Variants in CAMK1D observed in about 807,000 individuals in gnomAD.
The protein encoded by CAMK1D is calcium/calmodulin-dependent protein kinase type 1D.
In CAMK1D, 9 loss-of-function variants were observed where a neutral mutation model predicts 47.7. The observed-to-expected ratio is 0.19, with a 90% confidence interval of 0.11 to 0.33. CAMK1D has a LOEUF of 0.33. CAMK1D is among the 10% of genes least tolerant of loss of function. CAMK1D has a pLI of 1.00. For missense variants in CAMK1D, 291 were observed against 488.7 expected (o/e 0.60, Z 3.81); for synonymous variants, 184 against 184.9 (o/e 0.99, Z 0.04).
At chr10:12,370,231 T>C (rs576471247) in intron 1 of CAMK1D, among the ~76,000 whole-genome samples, 206 of 152,226 alleles carry the variant, frequency 1.4e-3, no homozygotes, top group Non-Finnish European at 2.4e-3. Flanking sequence ...ACTCACATGT[T>C]TGTGGCGATG....
At chr10:12,578,953 A>G (rs796943489) in intron 2 of CAMK1D, 9 of 152,908 alleles carry the variant, frequency 5.9e-5, no homozygotes, top group African/African-American at 2.2e-4. Context: ...GTGCTGGGGA[A>G]TGTGCAGTCT....
chr10:12,686,420 C>G (rs1564491911), intron 3 of CAMK1D, among the ~76,000 whole-genome samples: 1 of 152,098 alleles, frequency 6.6e-6, no homozygotes, highest in Non-Finnish European at 1.5e-5. Context: ...CTCCCAAGTT[C>G]AAGCGATTCT....
chr10:12,396,306 C>A (rs1043553231), intron 1 of CAMK1D, among the ~76,000 whole-genome samples: 1 of 152,134 alleles, frequency 6.6e-6, no homozygotes, highest in African/African-American at 2.4e-5. Flanking sequence ...CTATTGTGTC[C>A]GCATCATTGT....
At chr10:12,461,544 C>T (rs1429125088) in intron 1 of CAMK1D, among the ~76,000 whole-genome samples, 4 of 151,956 alleles carry the variant, frequency 2.6e-5, no homozygotes. Context: ...CAAAAATTAG[C>T]TGGGTGTGGT....
chr10:12,707,285 A>G (rs1431921586), intron 3 of CAMK1D, among the ~76,000 whole-genome samples: 1 of 152,216 alleles, frequency 6.6e-6, no homozygotes, highest in Non-Finnish European at 1.5e-5. Context: ...TAAGCTTGGC[A>G]TATCAGAAGT....
At chr10:12,547,747 G>A (rs1445775178) in intron 1 of CAMK1D, among the ~76,000 whole-genome samples, 2 of 146,022 alleles carry the variant, frequency 1.4e-5, no homozygotes, top group South Asian at 2.1e-4. Flanking sequence ...CTGTTCATTC[G>A]TGAGCTTTGT....
intron 8 of CAMK1D, among the ~76,000 whole-genome samples, chr10:12,817,404 G>A (rs554972064): frequency 7.8e-4 from 118 of 152,140 alleles, no homozygotes; most frequent in Non-Finnish European, 1.3e-3. Flanking sequence ...TCTTCAACTC[G>A]AGAGGGACTA....
chr10:12,744,059 T>A (rs993395307), intron 3 of CAMK1D, among the ~76,000 whole-genome samples: 1 of 152,110 alleles, frequency 6.6e-6, no homozygotes, highest in African/African-American at 2.4e-5. Flanking sequence ...TCTGGACATT[T>A]CATATAAATG....
intron 1 of CAMK1D, among the ~76,000 whole-genome samples, chr10:12,433,873 C>T (rs573320996): frequency 3.9e-5 from 6 of 152,314 alleles, no homozygotes; most frequent in African/African-American, 1.4e-4. Context: ...GACTTCCTGT[C>T]GTTGGGTGGG....
At chr10:12,465,844 G>C (rs1246068830) in intron 1 of CAMK1D, among the ~76,000 whole-genome samples, 1 of 152,162 alleles carries the variant, frequency 6.6e-6, no homozygotes, top group East Asian at 1.9e-4. Flanking sequence ...GAGCTGGACT[G>C]CTACTTCACC....
In CAMK1D at chr10:12,674,599, C is replaced by CTTTTTTTTTTTTTTTTTTTT. The variant is rs11391139; in HGVS notation, c.299+7807_299+7808insTTTTTTTTTTTTTTTTTTTT. ...TTTTATTTGGGTTTTTGGAAAAATG[C>CTTTTTTTTTTTTTTTTTTTT]TTTTTTTTTTTTTTTTTTCAGAATT... On this transcript the variant is annotated intron_variant, in intron 3 of 10. Transcript: ENST00000619168. Among the ~76,000 whole-genome samples, 9 of 63,472 alleles carry CTTTTTTTTTTTTTTTTTTTT rather than the reference C, an allele frequency of 1.4e-4. 1 individual carries two copies. Among genetic ancestry groups the CTTTTTTTTTTTTTTTTTTTT allele is most frequent in the African/African-American group, 1.3e-4 (2 of 15,204 alleles). 41.6% of individuals were successfully genotyped at this position (63,472 alleles called of 152,430 possible).
At chr10:12,638,355 C>T (rs1018295196) in intron 2 of CAMK1D, among the ~76,000 whole-genome samples, 1 of 152,190 alleles carries the variant, frequency 6.6e-6, no homozygotes, top group Admixed American at 6.5e-5. Flanking sequence ...CCACATCTAC[C>T]CAGCCTCCGC....
chr10:12,733,447 C>T (rs1834985993), intron 3 of CAMK1D, among the ~76,000 whole-genome samples: 1 of 152,216 alleles, frequency 6.6e-6, no homozygotes, highest in South Asian at 2.1e-4. Context: ...TCATTAAAAG[C>T]ACAGCAGGAA....
intron 1 of CAMK1D, among the ~76,000 whole-genome samples, chr10:12,442,362 T>A (rs2132015049): frequency 6.6e-6 from 1 of 152,176 alleles, no homozygotes; most frequent in Non-Finnish European, 1.5e-5. Context: ...GTGCCTGTAG[T>A]CCCACCTACT....
intron 1 of CAMK1D, among the ~76,000 whole-genome samples, chr10:12,372,252 G>T (rs912517139): frequency 9.2e-5 from 14 of 152,172 alleles, no homozygotes; most frequent in Non-Finnish European, 1.9e-4. Flanking sequence ...ATGCATGGCT[G>T]TATTTCACGT....
intron 1 of CAMK1D, among the ~76,000 whole-genome samples, chr10:12,359,097 G>A (rs2801498): frequency 0.65 from 99,463 of 152,018 alleles, 33,611 homozygotes; most frequent in Non-Finnish European, 0.74. Flanking sequence ...GAGGTTACAC[G>A]GATATGGGTG....
chr10:12,796,047 T>C (rs974527417), intron 6 of CAMK1D, among the ~76,000 whole-genome samples: 1 of 152,254 alleles, frequency 6.6e-6, no homozygotes, highest in Non-Finnish European at 1.5e-5. Flanking sequence ...TCAATCTTGA[T>C]TCTGTGATAA....
At chr10:12,800,185 A>G (rs1340741182) in intron 6 of CAMK1D, among the ~76,000 whole-genome samples, 2 of 152,208 alleles carry the variant, frequency 1.3e-5, no homozygotes, top group Admixed American at 6.5e-5. Flanking sequence ...ACAATCAAAT[A>G]TACGGTTACT....
intron 2 of CAMK1D, among the ~76,000 whole-genome samples, chr10:12,575,238 T>C (rs1338537547): frequency 2.0e-5 from 3 of 151,828 alleles, no homozygotes; most frequent in Non-Finnish European, 4.4e-5. Context: ...GATTACAGGG[T>C]CCTGCCACCG....
Sources: gnomAD v4.1 joint callset for allele counts (sites outside exome capture counted in the v4.1 genomes callset) on GRCh38, gnomAD v4.1.1 for gene constraint, MANE v1.5 for transcripts, NCBI Gene and HGNC (gene_info 2026-07-23, HGNC 2026-07-21) for gene names.